Variants in BTBD8 observed in about 807,000 individuals in gnomAD.
BTBD8 encodes the protein BTB domain containing 8, also known as BTB/POZ domain-containing protein 8.
Under a neutral mutation model 162.9 loss-of-function variants are expected in BTBD8, and 110 were observed. The observed-to-expected ratio is 0.68, with a 90% CI of 0.58 to 0.79. The LOEUF is 0.79. Ranked by LOEUF, BTBD8 falls within the 30% of genes least tolerant of loss-of-function variation. The pLI is 0.00. For missense variants in BTBD8, 1,905 were observed against 2,085.4 expected (o/e 0.91, Z 1.68); for synonymous variants, 667 against 716.1 (o/e 0.93, Z 1.10).
At chr1:92,136,644 G>T (rs1055912334) in intron 5 of BTBD8, among the ~76,000 whole-genome samples, 1 of 152,218 alleles carries the variant, frequency 6.6e-6, no homozygotes, top group Non-Finnish European at 1.5e-5. Flanking sequence ...AAAGACAGAT[G>T]TGTTAACAAA....
intron 3 of BTBD8, among the ~76,000 whole-genome samples, chr1:92,103,032 A>G (rs897846797): frequency 9.2e-5 from 14 of 152,242 alleles, no homozygotes; most frequent in African/African-American, 2.2e-4. Context: ...CATAAATACT[A>G]TAATACATAT....
intron 5 of BTBD8, among the ~76,000 whole-genome samples, chr1:92,136,859 C>T (rs1379765304): frequency 2.6e-5 from 4 of 152,092 alleles, no homozygotes; most frequent in Non-Finnish European, 5.9e-5. Context: ...ATTAAATGAG[C>T]CAATAGCATT....
At chr1:92,092,710 A>T (rs1172322621) in intron 2 of BTBD8, among the ~76,000 whole-genome samples, 1 of 152,106 alleles carries the variant, frequency 6.6e-6, no homozygotes, top group African/African-American at 2.4e-5. Flanking sequence ...TGCCGGTGCC[A>T]CTTATCTGTT....
intron 2 of BTBD8, among the ~76,000 whole-genome samples, chr1:92,096,660 C>T (rs7415622): frequency 1.3e-5 from 2 of 151,792 alleles, no homozygotes. Context: ...AAGTGATCCT[C>T]CTGAGTAGCT....
At chr1:92,179,019 G>T (rs886335654) in intron 16 of BTBD8, among the ~76,000 whole-genome samples, 1 of 152,178 alleles carries the variant, frequency 6.6e-6, no homozygotes, top group Admixed American at 6.5e-5. Flanking sequence ...GCCAAGGCGG[G>T]TGGATCACCT....
Position 92,168,005 on chromosome 1 carries a change from T to A in BTBD8, c.1443+20T>A. 6.6e-7 allele frequency: 1 copy of A among 1,517,214 alleles called. No individual in the cohort carries two copies. 94.0% of individuals were successfully genotyped at this position (1,517,214 alleles called of 1,614,324 possible). The stretch of plus-strand genomic sequence containing the variant: ...GAAATGGTACTGAATGTAATGAAAT[T>A]TATTAAAATAATGCAATATTTGAAC... On this transcript the variant is annotated intron_variant, in intron 11 of 17. Coordinates refer to ENST00000636805, the MANE Select transcript of BTBD8 (RefSeq NM_001376131.1).
chr1:92,108,835 C>T (rs953204145), intron 4 of BTBD8, among the ~76,000 whole-genome samples: 1 of 152,156 alleles, frequency 6.6e-6, no homozygotes, highest in Non-Finnish European at 1.5e-5. Context: ...GTTATTCTGG[C>T]GCTACTGAAC....
chr1:92,092,552 T>C (rs1648339307), intron 2 of BTBD8, among the ~76,000 whole-genome samples: 1 of 152,156 alleles, frequency 6.6e-6, no homozygotes, highest in South Asian at 2.1e-4. Context: ...TCTTCTAGCC[T>C]CCGAAAACTG....
intron 5 of BTBD8, among the ~76,000 whole-genome samples, chr1:92,131,511 GTCAGGAGT>G (rs533874333): frequency 1.3e-5 from 2 of 152,166 alleles, no homozygotes; most frequent in Non-Finnish European, 2.9e-5. Context: ...ATCACCAGAG[GTCAGGAGT>G]TCAGGACCAG....
In BTBD8 at chr1:92,184,600, G is replaced by A. The variant is rs1220843151; in HGVS notation, c.*270G>A. The A allele has an allele frequency of 7.3e-6, 2 of 275,198 alleles. No individual in the cohort carries two copies. The highest frequency in any genetic ancestry group is 1.4e-5 in the Non-Finnish European group (2 of 146,896). The allele number at this position is 275,198 out of a possible 1,614,324, so 17.0% of individuals were successfully genotyped here. A position where few individuals can be genotyped will look rare whatever the true frequency, so the allele number is the denominator to read the frequency against. On this transcript the variant is annotated 3_prime_UTR_variant, in exon 18 of 18. Coordinates refer to ENST00000636805, the MANE Select transcript of BTBD8 (RefSeq NM_001376131.1). The stretch of plus-strand genomic sequence containing the variant: ...GTTTTCCTTTCCTAGCTGATGATTT[G>A]TTCACTTAATCATTATTCAAGAATT...
At position 92,141,142 on chromosome 1, in the gene BTBD8, T is replaced by C; in HGVS notation, c.861T>C (p.Tyr287=). The C allele has an allele frequency of 6.4e-7, 1 of 1,573,362 alleles. No homozygotes were observed. Among genetic ancestry groups the C allele is most frequent in the South Asian group, 1.2e-5 (1 of 85,786 alleles). Residue 287 remains tyrosine (Y), a synonymous_variant, in exon 7 of 18, where the codon TAT becomes TAC. Coordinates refer to ENST00000636805, the MANE Select transcript of BTBD8 (RefSeq NM_001376131.1). ...AGATACTCAATATGGCTGATATGTA[T>C]GGACTAGAAGGATTAAAAGAAGTAG... is the stretch of plus-strand genomic sequence containing the variant. ...VGQILNMADM[Y]GLEGLKEVAI...
intron 2 of BTBD8, among the ~76,000 whole-genome samples, chr1:92,101,968 G>T (rs1235023514): frequency 6.6e-6 from 1 of 152,092 alleles, no homozygotes; most frequent in Admixed American, 6.6e-5. Context: ...AAAATGTTAG[G>T]ATTACAGGCG....
At chr1:92,165,322 G>C (rs537676377) in intron 9 of BTBD8, among the ~76,000 whole-genome samples, 1 of 152,166 alleles carries the variant, frequency 6.6e-6, no homozygotes, top group South Asian at 2.1e-4. Flanking sequence ...AACAGAGGTA[G>C]TTTTACACTC....
intron 5 of BTBD8, among the ~76,000 whole-genome samples, chr1:92,138,373 A>C (rs573969901): frequency 2.6e-5 from 4 of 152,360 alleles, no homozygotes; most frequent in Middle Eastern, 3.4e-3. Context: ...AGGTGTCACT[A>C]TCTCTCATAA....
chr1:92,082,379 A>G (rs1335599108), intron 1 of BTBD8, among the ~76,000 whole-genome samples: 1 of 152,230 alleles, frequency 6.6e-6, no homozygotes. Context: ...GTCTTAAGTA[A>G]TAAACGTTAA....
At chr1:92,129,277 G>C (rs1453264613) in intron 4 of BTBD8, among the ~76,000 whole-genome samples, 1 of 152,108 alleles carries the variant, frequency 6.6e-6, no homozygotes, top group Non-Finnish European at 1.5e-5. Flanking sequence ...GAGGTCTAGA[G>C]TTTGAGACCA....
intron 4 of BTBD8, chr1:92,125,933 T>C (rs1391518743): frequency 2.3e-6 from 1 of 443,216 alleles, no homozygotes; most frequent in Non-Finnish European, 4.5e-6. Context: ...TTGGAGAATT[T>C]GTTTTGATTT....
intron 1 of BTBD8, among the ~76,000 whole-genome samples, chr1:92,085,093 C>CT (rs761429925): frequency 6.6e-6 from 1 of 152,220 alleles, no homozygotes; most frequent in Non-Finnish European, 1.5e-5. Flanking sequence ...ATATCACACA[C>CT]TTTAATTTTC....
chr1:92,182,064 G>C lies in BTBD8; in HGVS notation c.4381G>C (p.Ala1461Pro), dbSNP rs781473627. The stretch of plus-strand genomic sequence containing the variant: ...AGGAGAAGTCCATACTCCCTTTCAG[G>C]CTTCTGTAGATTCTTTTTCACCTTC... ...DEGEVHTPFQ[A>P]SVDSFSPSDV... is the part of the protein sequence containing the mutation. Residue 1461 changes from alanine to proline, a missense_variant, in exon 17 of 18, where the codon GCT (alanine) becomes CCT (proline). By Grantham distance (27) the Ala-to-Pro change is conservative. Transcript: ENST00000636805. 44 of 1,551,394 alleles carry C rather than the reference G, an allele frequency of 2.8e-5. No homozygotes were observed. Among genetic ancestry groups the C allele is most frequent in the African/African-American group, 6.9e-5 (5 of 72,988 alleles).
Sources: gnomAD v4.1 joint callset for allele counts (sites outside exome capture counted in the v4.1 genomes callset) on GRCh38, gnomAD v4.1.1 for gene constraint, MANE v1.5 for transcripts, NCBI Gene and HGNC (gene_info 2026-07-23, HGNC 2026-07-21) for gene names.